SLC13A4: variants seen among roughly 807,000 people sequenced by gnomAD.
The protein encoded by SLC13A4 is Na(+)/sulfate cotransporter SUT-1.
SLC13A4 carries 28 observed loss-of-function variants against 72.7 expected under a neutral mutation model. That is an observed-to-expected ratio of 0.39 (90% CI 0.29 to 0.53). The LOEUF (loss-of-function observed/expected upper bound fraction) is 0.53, where lower values mean the gene tolerates loss of function less well. Among genes scored for constraint, SLC13A4 ranks in the 20% least tolerant of loss-of-function variants. SLC13A4 has a pLI of 0.78. For synonymous variants in SLC13A4, 312 were observed against 325.5 expected, an observed-to-expected ratio of 0.96 and a Z score of 0.45; for missense variants, 653 against 788.0, an observed-to-expected ratio of 0.83 and a Z score of 2.05.
intron 15 of SLC13A4, chr7:135,683,321 A>AG: frequency 1.2e-6 from 1 of 844,730 alleles, no homozygotes; most frequent in Non-Finnish European, 1.4e-6. Flanking sequence ...AAAAAAAAAA[A>AG]AAAGGATAAA....
chr7:135,685,748 A>G (rs1795608489), intron 13 of SLC13A4, 65 bp from the exon 14 acceptor site: 8 of 1,462,016 alleles, frequency 5.5e-6, no homozygotes. Context: ...GAGATCTTAG[A>G]CTTCAGAAGG....
chr7:135,717,841 C>T (rs1042248321), intron 2 of SLC13A4, among the ~76,000 whole-genome samples: 4 of 152,222 alleles, frequency 2.6e-5, no homozygotes, highest in Admixed American at 6.5e-5. Context: ...CTGACTAGAA[C>T]AAAAGGCAGA....
At chr7:135,714,988 G>A (rs545307035) in intron 2 of SLC13A4, among the ~76,000 whole-genome samples, 2 of 102,838 alleles carry the variant, frequency 1.9e-5, no homozygotes, top group African/African-American at 7.3e-5. Context: ...GTGTGTGTAT[G>A]TGTGTGTATA....
At chr7:135,722,155 G>A (rs1450603974) in intron 1 of SLC13A4, among the ~76,000 whole-genome samples, 2 of 152,184 alleles carry the variant, frequency 1.3e-5, no homozygotes, top group African/African-American at 2.4e-5. Context: ...GATGCCAGAG[G>A]ATCACTTGAG....
intron 10 of SLC13A4, chr7:135,692,718 T>C (rs3112337): frequency 0.23 from 69,136 of 303,642 alleles, 9,162 homozygotes; most frequent in East Asian, 0.44. Context: ...TGCAGTGAAA[T>C]AGGCAGCCCC....
Position 135,721,407 on chromosome 7 carries a change from G to C in SLC13A4, c.216C>G (p.Leu72=). 6.2e-7 allele frequency: 1 copy of C among 1,614,036 alleles called. No individual in the cohort carries two copies. Among genetic ancestry groups the C allele is most frequent in the Non-Finnish European group, 8.5e-7 (1 of 1,179,946 alleles). ...PAFLYPFFGV[L]RSNEVAAEYF... Reference sequence around the variant, plus strand: ...CAAGTAGTCTAACCTCATTGGACCGGAGGACTCCGAAGAACGGGTAAAGGA... The same window carrying C: ...CAAGTAGTCTAACCTCATTGGACCGCAGGACTCCGAAGAACGGGTAAAGGA... The change falls in exon 2 of 16, where the codon CTC becomes CTG. Residue 72 remains leucine (L), a synonymous_variant. Coordinates refer to ENST00000682651, the MANE Select transcript of SLC13A4 (RefSeq NM_001318192.2).
chr7:135,682,223 G>C (rs1795519677), intron 15 of SLC13A4, among the ~76,000 whole-genome samples: 1 of 152,180 alleles, frequency 6.6e-6, no homozygotes, highest in African/African-American at 2.4e-5. Flanking sequence ...TCTTCCTCAA[G>C]AAGGGGACAC....
At chr7:135,686,692 A>T (rs888642519) in intron 13 of SLC13A4, among the ~76,000 whole-genome samples, 2 of 152,172 alleles carry the variant, frequency 1.3e-5, no homozygotes, top group Non-Finnish European at 2.9e-5. Context: ...TTTTGAAGAC[A>T]CAGATATGAA....
At chr7:135,723,605 C>T (rs1796591068) in intron 1 of SLC13A4, among the ~76,000 whole-genome samples, 1 of 152,182 alleles carries the variant, frequency 6.6e-6, no homozygotes, top group Non-Finnish European at 1.5e-5. Flanking sequence ...GGCTGCTGAT[C>T]AAGGAACCTG....
At chr7:135,713,809 T>G (rs1195225794) in intron 2 of SLC13A4, among the ~76,000 whole-genome samples, 1 of 152,220 alleles carries the variant, frequency 6.6e-6, no homozygotes, top group Non-Finnish European at 1.5e-5. Context: ...ACGCCTGACC[T>G]TGTGATCCTC....
At chr7:135,692,030 G>A (rs1795799385) in intron 11 of SLC13A4, 1 of 451,998 alleles carries the variant, frequency 2.2e-6, no homozygotes, top group African/African-American at 2.0e-5. Flanking sequence ...CTTCTTTACA[G>A]TTGGTACTTT....
intron 1 of SLC13A4, 30 bp from the exon 2 acceptor site, chr7:135,721,553 A>G: frequency 3.1e-6 from 5 of 1,612,706 alleles, no homozygotes; most frequent in Non-Finnish European, 4.2e-6. Flanking sequence ...GCCGTCATTC[A>G]CAGGAATAGT....
chr7:135,702,518 G>A (rs868316650), intron 6 of SLC13A4: 15 of 269,568 alleles, frequency 5.6e-5, no homozygotes, highest in Admixed American at 1.5e-4. Context: ...GGGGATTACC[G>A]GTGCCCATCA....
chr7:135,721,576 G>A lies in SLC13A4; in HGVS notation c.100-53C>T, dbSNP rs914391617. 7.5e-6 allele frequency: 12 copies of A among 1,604,294 alleles called. No individual in the cohort carries two copies. In the African/African-American group the frequency reaches 1.3e-4, roughly 18 times the overall value. On this transcript the variant is annotated intron_variant, in intron 1 of 15. Coordinates refer to ENST00000682651, the MANE Select transcript of SLC13A4 (RefSeq NM_001318192.2). ...TCACAGGAATAGTCACTGCCACTGA[G>A]CGTCCGGATGCAACCCTGGCATCTG...
chr7:135,689,953 G>T (rs956658603), intron 13 of SLC13A4, among the ~76,000 whole-genome samples: 5 of 152,104 alleles, frequency 3.3e-5, no homozygotes, highest in African/African-American at 1.2e-4. Context: ...GCCAAGGTGG[G>T]TGGATCACTT....
At chr7:135,722,792 C>A (rs1796575589) in intron 1 of SLC13A4, among the ~76,000 whole-genome samples, 1 of 152,102 alleles carries the variant, frequency 6.6e-6, no homozygotes, top group African/African-American at 2.4e-5. Flanking sequence ...GAGACTGAAT[C>A]CTTCTCCCAA....
At chr7:135,702,538 G>A (rs1337355219) in intron 6 of SLC13A4, 2 of 297,030 alleles carry the variant, frequency 6.7e-6, no homozygotes, top group South Asian at 3.6e-5. Flanking sequence ...ACCACTCCCA[G>A]CTAATTTTTG....
chr7:135,711,963 A>ATTTTTTTTTTTTTTT lies in SLC13A4; in HGVS notation c.229-3728_229-3714dup, dbSNP rs529940903. 8.3e-4 allele frequency among the ~76,000 whole-genome samples: 39 copies of ATTTTTTTTTTTTTTT among 46,900 alleles called. 9 individuals are homozygous for ATTTTTTTTTTTTTTT. Among genetic ancestry groups the ATTTTTTTTTTTTTTT allele is most frequent in the Non-Finnish European group, 1.0e-3 (26 of 25,102 alleles). The allele number at this position is 46,900 out of a possible 152,430, so 30.8% of individuals were successfully genotyped here. ...CACTACACCTGGCTAATGTTTTTGG[A>ATTTTTTTTTTTTTTT]TTTTTTTTTTTTTTTTTTTTTTTTT... is the stretch of plus-strand genomic sequence containing the variant. On this transcript the variant is annotated intron_variant, in intron 2 of 15. Coordinates refer to ENST00000682651, the MANE Select transcript of SLC13A4 (RefSeq NM_001318192.2).
chr7:135,689,961 C>G lies in SLC13A4; in HGVS notation c.1446+1240G>C, dbSNP rs563846740. On this transcript the variant is annotated intron_variant, in intron 13 of 15. Coordinates refer to ENST00000682651, the MANE Select transcript of SLC13A4 (RefSeq NM_001318192.2). ...TTGGGAGGCCAAGGTGGGTGGATCA[C>G]TTGAGGCCAGGAGTTCAAGACCAGC... 1.8e-4 allele frequency among the ~76,000 whole-genome samples: 28 copies of G among 152,160 alleles called. 1 individual carries two copies. In the South Asian group the frequency reaches 5.4e-3, roughly 29 times the overall value.
Sources: gnomAD v4.1 joint callset for allele counts (sites outside exome capture counted in the v4.1 genomes callset) on GRCh38, gnomAD v4.1.1 for gene constraint, MANE v1.5 for transcripts, NCBI Gene and HGNC (gene_info 2026-07-23, HGNC 2026-07-21) for gene names.